TOR1B: variants seen among roughly 807,000 people sequenced by gnomAD.
TOR1B encodes the protein torsin-1B.
A neutral mutation model predicts 29.2 loss-of-function variants in TOR1B; 14 were observed. The observed-to-expected ratio is 0.48, with a 90% confidence interval of 0.32 to 0.75. The LOEUF (loss-of-function observed/expected upper bound fraction) is 0.75. Ranked by LOEUF, TOR1B falls within the 30% of genes least tolerant of loss-of-function variation. The pLI, the probability that TOR1B is intolerant of heterozygous loss-of-function variation, is 0.04. For synonymous variants in TOR1B, 166 were observed against 179.8 expected, an observed-to-expected ratio of 0.92 and a Z score of 0.62; for missense variants, 400 against 433.9, an observed-to-expected ratio of 0.92 and a Z score of 0.69.
rs2030800134 is a variant in TOR1B, at chr9:129,810,447, C to A, written c.*864C>A. 5 of 1,171,646 alleles carry A rather than the reference C, an allele frequency of 4.3e-6. No homozygotes were observed. The highest frequency in any genetic ancestry group is 5.4e-6 in the Non-Finnish European group (5 of 925,328). The allele number at this position is 1,171,646 out of a possible 1,614,324, so 72.6% of individuals were successfully genotyped here. On this transcript the variant is annotated 3_prime_UTR_variant, in exon 5 of 5. Coordinates refer to ENST00000259339, the MANE Select transcript of TOR1B (RefSeq NM_014506.3). ...GCTCTAGCTGCTAATACAGCCCTGGCTGTGGAATCCTTCACCGTCTCAGCT... is the reference window on the plus strand; with the variant it reads ...GCTCTAGCTGCTAATACAGCCCTGGATGTGGAATCCTTCACCGTCTCAGCT...
chr9:129,808,880 A>C (rs2030660509), intron 3 of TOR1B, 25 bp from the exon 4 acceptor site: 1 of 1,612,134 alleles, frequency 6.2e-7, no homozygotes, highest in Non-Finnish European at 8.5e-7. Flanking sequence ...TGTGATTTTA[A>C]TCTTTATTTC....
At chr9:129,806,477 T>TACTGTGC (rs1383255183) in intron 2 of TOR1B, among the ~76,000 whole-genome samples, 20 of 152,218 alleles carry the variant, frequency 1.3e-4, no homozygotes, top group Admixed American at 7.2e-4. Context: ...GGGCACTGTG[T>TACTGTGC]ACTGTGCAGG....
Position 129,803,188 on chromosome 9 carries a change from G to C in TOR1B, c.-25G>C. 7.0e-7 allele frequency: 1 copy of C among 1,432,382 alleles called. No homozygotes were observed. The highest frequency in any genetic ancestry group is 9.1e-7 in the Non-Finnish European group (1 of 1,098,124). 88.7% of individuals were successfully genotyped at this position (1,432,382 alleles called of 1,614,324 possible). ...TGGCCGCGGGGCGCCTGGCTCAGTG[G>C]CTTCTGCGGGCTTCGAGGAGCGGGA... On this transcript the variant is annotated 5_prime_UTR_variant, in exon 1 of 5. Coordinates refer to ENST00000259339, the MANE Select transcript of TOR1B (RefSeq NM_014506.3).
rs996237664 is a variant in TOR1B at position 129,810,352 on chromosome 9, G to C, written c.*769G>C. Reference sequence around the variant, plus strand: ...GAGCTGACCTGTGTGTGTGTGTGTGGGGGGGTGGGGCCTTCACCTAAGACC... The same window carrying C: ...GAGCTGACCTGTGTGTGTGTGTGTGCGGGGGTGGGGCCTTCACCTAAGACC... On this transcript the variant is annotated 3_prime_UTR_variant, in exon 5 of 5. Transcript: ENST00000259339. 2.5e-5 allele frequency: 27 copies of C among 1,100,280 alleles called. 1 individual carries two copies. Among genetic ancestry groups the C allele is most frequent in the African/African-American group, 6.8e-5 (4 of 59,196 alleles). 68.2% of individuals were successfully genotyped at this position (1,100,280 alleles called of 1,614,324 possible). A position where few individuals can be genotyped will look rare whatever the true frequency, so the allele number is the denominator to read the frequency against.
In TOR1B at chr9:129,809,572, G is replaced by A; in HGVS notation, c.1000G>A (p.Asp334Asn). ...CTGCAAGACTGTGCAGTCGCGGCTG[G>A]ATTTCCACTGAGCTCCTATCCAGAT... ...KGCKTVQSRLDFH is the reference protein window; with the variant it reads ...KGCKTVQSRLNFH Residue 334 changes from aspartate to asparagine, a missense_variant, in exon 5 of 5, where the codon GAT becomes AAT. Coordinates refer to ENST00000259339, the MANE Select transcript of TOR1B (RefSeq NM_014506.3). 6.2e-7 allele frequency: 1 copy of A among 1,614,186 alleles called. No individual in the cohort carries two copies. Among genetic ancestry groups the A allele is most frequent in the Non-Finnish European group, 8.5e-7 (1 of 1,180,040 alleles).
rs745711683 is a variant in TOR1B at position 129,808,928 on chromosome 9, C to T, written c.665C>T (p.Thr222Ile). ...AGCAATGCAGGCGGGGACCTTATAA[C>T]TAAGACGGCTCTTGACTTTTGGCGG... The part of the protein sequence containing the change: ...FLSNAGGDLI[T>I]KTALDFWRAG... Residue 222 changes from threonine (T) to isoleucine (I), a missense_variant, in exon 4 of 5, where the codon ACT (threonine) becomes ATT (isoleucine). By Grantham distance (89) the Thr-to-Ile change is moderately conservative. Coordinates refer to ENST00000259339, the MANE Select transcript of TOR1B (RefSeq NM_014506.3). The T allele has an allele frequency of 3.1e-6, 5 of 1,613,878 alleles. No homozygotes were observed. Among genetic ancestry groups the T allele is most frequent in the Admixed American group, 3.3e-5 (2 of 59,878 alleles).
intron 1 of TOR1B, 126 bp downstream of exon 1, chr9:129,803,537 A>T: frequency 9.8e-7 from 1 of 1,018,988 alleles, no homozygotes; most frequent in Non-Finnish European, 1.2e-6. Flanking sequence ...CGGTGGTCCC[A>T]GCTGGGGTGG....
At chr9:129,806,654 A>T (rs2030496851) in intron 2 of TOR1B, among the ~76,000 whole-genome samples, 1 of 152,204 alleles carries the variant, frequency 6.6e-6, no homozygotes, top group Admixed American at 6.5e-5. Flanking sequence ...AGGTGGGTGG[A>T]TCACCTGAGG....
rs777793156 is a variant in TOR1B, at chr9:129,809,368, G to A, written c.796G>A (p.Asp266Asn). 6.2e-6 allele frequency: 10 copies of A among 1,613,984 alleles called. No individual in the cohort carries two copies. Among genetic ancestry groups the A allele is most frequent in the South Asian group, 4.4e-5 (4 of 91,042 alleles). Residue 266 changes from aspartate to asparagine, a missense_variant, in exon 5 of 5, where the codon GAC becomes AAC. Coordinates refer to ENST00000259339, the MANE Select transcript of TOR1B (RefSeq NM_014506.3). Reference protein sequence around the residue: ...HSGLWHSGLIDKNLIDYFIPF... With the variant: ...HSGLWHSGLINKNLIDYFIPF... ...TGGCCTGTGGCACAGTGGACTGATC[G>A]ACAAAAACCTCATTGATTACTTTAT... is the stretch of plus-strand genomic sequence containing the variant.
At chr9:129,808,858 G>T in intron 3 of TOR1B, 47 bp from the exon 4 acceptor site, 4 of 1,607,490 alleles carry the variant, frequency 2.5e-6, no homozygotes, top group Non-Finnish European at 2.5e-6. Flanking sequence ...AGCAGACACA[G>T]AAGTCTTAAT....
rs2030332512 is a variant in TOR1B at position 129,804,166 on chromosome 9, A to G, written c.293A>G (p.Asn98Ser). 2 of 1,614,184 alleles carry G rather than the reference A, an allele frequency of 1.2e-6. No homozygotes were observed. Among genetic ancestry groups the G allele is most frequent in the African/African-American group, 2.7e-5 (2 of 75,036 alleles). ...KALTGFRNNK[N>S]PKKPLTLSLH... Reference sequence around the variant, plus strand: ...CTGACTGGCTTCAGGAACAACAAAAATCCCAAGAAACCACTGACCCTTTCC... The same window carrying G: ...CTGACTGGCTTCAGGAACAACAAAAGTCCCAAGAAACCACTGACCCTTTCC... Residue 98 changes from asparagine to serine, a missense_variant, in exon 2 of 5, where the codon AAT (asparagine) becomes AGT (serine). Asn to Ser is a conservative substitution (Grantham distance 46, BLOSUM62 1). Transcript: ENST00000259339.
chr9:129,810,262 G>C lies in TOR1B; in HGVS notation c.*679G>C. ...CTTGAAGTATACTCAGTTAAAATCG[G>C]GGCTGGAGGTGCAGACGGTGTCTGA... On this transcript the variant is annotated 3_prime_UTR_variant, in exon 5 of 5. Coordinates refer to ENST00000259339, the MANE Select transcript of TOR1B (RefSeq NM_014506.3). The C allele has an allele frequency of 7.7e-7, 1 of 1,304,034 alleles. No individual in the cohort carries two copies. The highest frequency in any genetic ancestry group is 2.1e-4 in the Middle Eastern group (1 of 4,692). 80.8% of individuals were successfully genotyped at this position (1,304,034 alleles called of 1,614,324 possible).
In TOR1B at chr9:129,809,679, C is replaced by T. The variant is rs1386002730; in HGVS notation, c.*96C>T. On this transcript the variant is annotated 3_prime_UTR_variant, in exon 5 of 5. Transcript: ENST00000259339. ...CCCTGAAGACCGCTTTGGGGTTTTG[C>T]CTGTTTGCACCTTAGACTTTTGGGT... 4 of 1,546,330 alleles carry T rather than the reference C, an allele frequency of 2.6e-6. No individual in the cohort carries two copies. The African/African-American group carries it at 4.1e-5, about 16-fold the overall frequency.
Position 129,807,291 on chromosome 9 carries a change from T to G in TOR1B, c.569T>G (p.Ile190Ser), listed in dbSNP as rs773802048. 11 of 1,614,052 alleles carry G rather than the reference T, an allele frequency of 6.8e-6. No individual in the cohort carries two copies. The highest frequency in any genetic ancestry group is 9.3e-6 in the Non-Finnish European group (11 of 1,180,032). The change falls in exon 3 of 5, where the codon ATC (isoleucine) becomes AGC (serine). Residue 190 changes from isoleucine to serine, a missense_variant. Coordinates refer to ENST00000259339, the MANE Select transcript of TOR1B (RefSeq NM_014506.3). Reference sequence around the variant, plus strand: ...TTGCACCCCGGGATCATTGACGCAATCAAGCCGTTTCTAGACTACTACGAG... The same window carrying G: ...TTGCACCCCGGGATCATTGACGCAAGCAAGCCGTTTCTAGACTACTACGAG... The part of the protein sequence containing the change: ...DKLHPGIIDA[I>S]KPFLDYYEQV...
rs1464257191 is a variant in TOR1B at position 129,808,926 on chromosome 9, A to G, written c.663A>G (p.Ile221Met). Residue 221 changes from isoleucine to methionine, a missense_variant, in exon 4 of 5, where the codon ATA becomes ATG. Coordinates refer to ENST00000259339, the MANE Select transcript of TOR1B (RefSeq NM_014506.3). ...IFLSNAGGDL[I>M]TKTALDFWRA... ...TCAGCAATGCAGGCGGGGACCTTAT[A>G]ACTAAGACGGCTCTTGACTTTTGGC... is the stretch of plus-strand genomic sequence containing the variant. 1 of 1,613,692 alleles carries G rather than the reference A, an allele frequency of 6.2e-7. No homozygotes were observed. The highest frequency in any genetic ancestry group is 2.2e-5 in the East Asian group (1 of 44,874).
At chr9:129,806,666 CAG>C (rs2030497302) in intron 2 of TOR1B, among the ~76,000 whole-genome samples, 2 of 152,196 alleles carry the variant, frequency 1.3e-5, no homozygotes, top group South Asian at 4.2e-4. Context: ...CACCTGAGGT[CAG>C]GAGTTTGAGA....
In TOR1B at chr9:129,809,756, GC is replaced by G. The variant is rs2030736923; in HGVS notation, c.*174del. ...CTCACTCCGTCATCCAAGCTGGAGT[GC>G]AGTGGTGCAATCCTCAACTCACTGC... On this transcript the variant is annotated 3_prime_UTR_variant, in exon 5 of 5. Transcript: ENST00000259339. The G allele has an allele frequency of 3.5e-6, 5 of 1,427,178 alleles. No homozygotes were observed. Among genetic ancestry groups the G allele is most frequent in the Admixed American group, 5.7e-5 (2 of 34,840 alleles). The allele number at this position is 1,427,178 out of a possible 1,614,324, so 88.4% of individuals were successfully genotyped here. A position where few individuals can be genotyped will look rare whatever the true frequency, so the allele number is the denominator to read the frequency against.
At chr9:129,805,964 TAAAA>T (rs888995727) in intron 2 of TOR1B, among the ~76,000 whole-genome samples, 1 of 151,880 alleles carries the variant, frequency 6.6e-6, no homozygotes. Context: ...CTACAAAAAA[TAAAA>T]AAATTAGCCA....
chr9:129,809,715 T>A lies in TOR1B; in HGVS notation c.*132T>A. The A allele has an allele frequency of 6.8e-7, 1 of 1,469,348 alleles. No homozygotes were observed. Among genetic ancestry groups the A allele is most frequent in the South Asian group, 1.4e-5 (1 of 70,440 alleles). 91.0% of individuals were successfully genotyped at this position (1,469,348 alleles called of 1,614,324 possible). A position where few individuals can be genotyped will look rare whatever the true frequency, so the allele number is the denominator to read the frequency against. On this transcript the variant is annotated 3_prime_UTR_variant, in exon 5 of 5. Transcript: ENST00000259339. Reference sequence around the variant, plus strand: ...CTTAGACTTTTGGGTATAGAATCTTTTTTTTGAGAAGAGGTCTCACTCCGT... The same window carrying A: ...CTTAGACTTTTGGGTATAGAATCTTATTTTTGAGAAGAGGTCTCACTCCGT...
Sources: gnomAD v4.1 joint callset for allele counts (sites outside exome capture counted in the v4.1 genomes callset) on GRCh38, gnomAD v4.1.1 for gene constraint, MANE v1.5 for transcripts, NCBI Gene and HGNC (gene_info 2026-07-23, HGNC 2026-07-21) for gene names.